Variants in NAV1 observed in about 807,000 individuals in gnomAD.
The protein encoded by NAV1 is pore membrane and/or filament interacting like protein 3.
Under a neutral mutation model 175.2 loss-of-function variants are expected in NAV1, and 18 were observed. The observed-to-expected ratio is 0.10, with a 90% CI of 0.07 to 0.15. The LOEUF (loss-of-function observed/expected upper bound fraction) is 0.15, where lower values mean the gene tolerates loss of function less well. Ranked by LOEUF, NAV1 falls within the 10% of genes least tolerant of loss-of-function variation. The pLI is 1.00. For synonymous variants in NAV1, 897 were observed against 978.7 expected (o/e 0.92, Z 1.56); for missense variants, 1,731 against 2,436.6 (o/e 0.71, Z 6.10).
chr1:201,819,200 C>T (rs60733283), intron 29 of NAV1, among the ~76,000 whole-genome samples: 8,266 of 152,184 alleles, frequency 0.054, 771 homozygotes, highest in African/African-American at 0.19. Context: ...TCCCAGTATT[C>T]GTTGGTATGT....
chr1:201,656,329 C>T (rs1173154872), intron 1 of NAV1, among the ~76,000 whole-genome samples: 2 of 152,204 alleles, frequency 1.3e-5, no homozygotes, highest in Non-Finnish European at 2.9e-5. Context: ...AAAGCAGGGA[C>T]AAGTGCAGTC....
Position 201,812,430 on chromosome 1 carries a change from C to A in NAV1, c.5025-35C>A. 1 of 1,607,938 alleles carries A rather than the reference C, an allele frequency of 6.2e-7. No individual in the cohort carries two copies. Among genetic ancestry groups the A allele is most frequent in the South Asian group, 1.1e-5 (1 of 90,618 alleles). On this transcript the variant is annotated intron_variant, in intron 26 of 29. Transcript: ENST00000367296. The surrounding 1 kb of genome is among the most constrained non-coding windows in gnomAD (Gnocchi z 4.6). ...TGAACCCTGACAATGTCCCCATTGC[C>A]ACTCTGACCCCACTTTCCCCATCCT...
intron 2 of NAV1, among the ~76,000 whole-genome samples, chr1:201,633,879 G>A (rs898970780): frequency 6.6e-6 from 1 of 152,358 alleles, no homozygotes; most frequent in Non-Finnish European, 1.5e-5. Context: ...TTGGGAGTGC[G>A]AGGGTCTCTG....
Position 201,569,678 on chromosome 1 carries a change from GCA to G in NAV1, c.-143-18856_-143-18855del, listed in dbSNP as rs1666471496. 2.0e-5 allele frequency among the ~76,000 whole-genome samples: 3 copies of G among 152,352 alleles called. No homozygotes were observed. The South Asian group carries it at 6.2e-4, about 32-fold the overall frequency. On this transcript the variant is annotated intron_variant, in intron 1 of 33. Coordinates refer to the NAV1 transcript ENST00000685211. ...CTCTCTGCATCACTTTGCTGGGGCT[GCA>G]CACAGAGAGGGGCCCTGTGATCATG...
chr1:201,566,552 A>T (rs1423351157), intron 1 of NAV1, among the ~76,000 whole-genome samples: 1 of 152,146 alleles, frequency 6.6e-6, no homozygotes, highest in Admixed American at 6.5e-5. Flanking sequence ...GGGCTGTATC[A>T]GAAGTCAGTA....
At chr1:201,768,339 A>G (rs947710854) in intron 3 of NAV1, among the ~76,000 whole-genome samples, 3 of 150,410 alleles carry the variant, frequency 2.0e-5, no homozygotes, top group Non-Finnish European at 4.4e-5. Context: ...CAGAGAAAAA[A>G]AAAAAAAAAA....
chr1:201,657,284 T>G (rs905517046), intron 1 of NAV1, among the ~76,000 whole-genome samples: 14 of 152,198 alleles, frequency 9.2e-5, no homozygotes, highest in South Asian at 2.1e-4. Flanking sequence ...GCTCACTACC[T>G]TATTTTCCAG....
At chr1:201,659,134 T>A (rs1477428909) in intron 1 of NAV1, among the ~76,000 whole-genome samples, 1 of 152,164 alleles carries the variant, frequency 6.6e-6, no homozygotes, top group Non-Finnish European at 1.5e-5. Context: ...AGACTACCTA[T>A]AGCAGAACCA....
At chr1:201,700,291 T>C (rs1232187917) in intron 1 of NAV1, among the ~76,000 whole-genome samples, 1 of 152,196 alleles carries the variant, frequency 6.6e-6, no homozygotes, top group Non-Finnish European at 1.5e-5. Flanking sequence ...GAACAGACAC[T>C]TCTCGAAAGA....
intron 1 of NAV1, among the ~76,000 whole-genome samples, chr1:201,654,379 A>G (rs1408483237): frequency 6.6e-6 from 1 of 151,472 alleles, no homozygotes; most frequent in Non-Finnish European, 1.5e-5. Context: ...CTGTGGCTGC[A>G]AATGCCCACC....
At chr1:201,549,985 T>C (rs1665803665) in intron 1 of NAV1, among the ~76,000 whole-genome samples, 1 of 117,928 alleles carries the variant, frequency 8.5e-6, no homozygotes, top group South Asian at 2.6e-4. Flanking sequence ...CACTCCAGCC[T>C]AGGCGACAGA....
intron 1 of NAV1, among the ~76,000 whole-genome samples, chr1:201,549,103 C>CT (rs1024629694): frequency 6.8e-6 from 1 of 147,944 alleles, no homozygotes; most frequent in African/African-American, 2.5e-5. Context: ...TTCTTTCTTT[C>CT]TTTCTTTCTT....
chr1:201,806,290 A>T (rs1678274699), intron 17 of NAV1, among the ~76,000 whole-genome samples: 1 of 152,134 alleles, frequency 6.6e-6, no homozygotes. Flanking sequence ...CAGCCTAAGT[A>T]CTGCATTTTC....
intron 2 of NAV1, among the ~76,000 whole-genome samples, chr1:201,717,978 G>C (rs1171632338): frequency 6.6e-6 from 1 of 152,184 alleles, no homozygotes; most frequent in Non-Finnish European, 1.5e-5. Flanking sequence ...ACTGTGTTCT[G>C]TCTGTACATA....
Position 201,787,792 on chromosome 1 carries a change from G to A in NAV1, c.2996-676G>A. The A allele has an allele frequency of 2.5e-5, 11 of 447,270 alleles. No individual in the cohort carries two copies. Among genetic ancestry groups the A allele is most frequent in the South Asian group, 1.7e-4 (11 of 63,116 alleles). 27.7% of individuals were successfully genotyped at this position (447,270 alleles called of 1,614,324 possible). ...GGGTAAGGCATCTGCAGGTTAACGG[G>A]ATTCAGCTGAACCCAGCTTCAAAGC... On this transcript the variant is annotated intron_variant, in intron 9 of 29. Coordinates refer to ENST00000367296, the Ensembl canonical transcript of NAV1. The surrounding 1 kb of genome is among the most constrained non-coding windows in gnomAD (Gnocchi z 4.3).
intron 1 of NAV1, among the ~76,000 whole-genome samples, chr1:201,651,863 G>A (rs565480094): frequency 2.6e-5 from 4 of 152,238 alleles, no homozygotes; most frequent in African/African-American, 9.6e-5. Context: ...CAAAGTTGGG[G>A]GGTGGGGAGT....
At chr1:201,756,856 CTTTCTTTCTTTCTTTCTTTCTTTCT>C (rs1558131704) in intron 3 of NAV1, among the ~76,000 whole-genome samples, 6 of 119,444 alleles carry the variant, frequency 5.0e-5, no homozygotes, top group African/African-American at 7.3e-5. Flanking sequence ...TTCTTTCTTT[CTTTCTTTCTTTCTTTCTTTCTTTCT>C]TTCTCTGTCT....
chr1:201,748,034 G>A (rs1436344576), intron 3 of NAV1, among the ~76,000 whole-genome samples: 1 of 152,238 alleles, frequency 6.6e-6, no homozygotes, highest in Non-Finnish European at 1.5e-5. Flanking sequence ...TGACCCTGGG[G>A]AAGATTGTAG....
intron 3 of NAV1, among the ~76,000 whole-genome samples, chr1:201,727,816 G>A (rs1489045496): frequency 6.6e-6 from 1 of 152,210 alleles, no homozygotes; most frequent in African/African-American, 2.4e-5. Context: ...GAAGGGCAAG[G>A]AAGCATGGGT....
Sources: allele counts gnomAD v4.1 joint callset (sites outside exome capture counted in the v4.1 genomes callset), GRCh38; gene constraint gnomAD v4.1.1; non-coding constraint Gnocchi (gnomAD v3.1); transcripts MANE v1.5; gene names NCBI Gene and HGNC (gene_info 2026-07-23, HGNC 2026-07-21).